TPRG1: variants seen among roughly 807,000 people sequenced by gnomAD.
The protein encoded by TPRG1 is tumor protein p63 regulated 1.
Under a neutral mutation model 29.3 loss-of-function variants are expected in TPRG1, and 29 were observed. The observed-to-expected ratio is 0.99, with a 90% CI of 0.74 to 1.35. The LOEUF (loss-of-function observed/expected upper bound fraction) is 1.35, where lower values mean the gene tolerates loss of function less well. Among genes scored for constraint, TPRG1 ranks in the 40% most tolerant of loss-of-function variants. The probability of loss-of-function intolerance (pLI) is 0.00; values close to 1 mark genes in which losing one functional copy is unlikely to be tolerated. For missense variants in TPRG1, 327 were observed against 335.0 expected (o/e 0.98, Z 0.19); for synonymous variants, 130 against 116.8 (o/e 1.11, Z -0.73).
chr3:189,248,154 C>T (rs1306547560), intron 4 of TPRG1, among the ~76,000 whole-genome samples: 1 of 151,802 alleles, frequency 6.6e-6, no homozygotes, highest in African/African-American at 2.4e-5. Context: ...AAGATAAACA[C>T]TACAACTTTC....
At chr3:189,141,174 G>C (rs966022713) in intron 3 of TPRG1, among the ~76,000 whole-genome samples, 4 of 152,208 alleles carry the variant, frequency 2.6e-5, no homozygotes, top group African/African-American at 9.7e-5. Context: ...TTTCAAGGAA[G>C]TAATTTCCAT....
At chr3:189,043,092 C>T (rs894397812) in intron 4 of TPRG1, among the ~76,000 whole-genome samples, 21 of 152,212 alleles carry the variant, frequency 1.4e-4, no homozygotes, top group Non-Finnish European at 4.4e-5. Flanking sequence ...TTTCTACTTT[C>T]ACCTTGTTTC....
intron 1 of TPRG1, among the ~76,000 whole-genome samples, chr3:189,188,240 T>C (rs1255756103): frequency 3.3e-5 from 5 of 152,240 alleles, no homozygotes; most frequent in Non-Finnish European, 2.9e-5. Context: ...TGAGTACCTT[T>C]AGGGATGTGT....
chr3:189,238,250 T>G (rs1739861709), intron 3 of TPRG1, among the ~76,000 whole-genome samples: 1 of 152,252 alleles, frequency 6.6e-6, no homozygotes. Flanking sequence ...GGACCTGTGT[T>G]CCAGTCTCCG....
intron 4 of TPRG1, among the ~76,000 whole-genome samples, chr3:189,270,914 G>A (rs1715017357): frequency 6.6e-6 from 1 of 151,844 alleles, no homozygotes; most frequent in Non-Finnish European, 1.5e-5. Flanking sequence ...TAATAATAAA[G>A]CCAGCAGCAA....
chr3:189,221,472 C>T (rs1736930757), intron 3 of TPRG1, among the ~76,000 whole-genome samples: 1 of 151,988 alleles, frequency 6.6e-6, no homozygotes, highest in South Asian at 2.1e-4. Context: ...TCATATTTGG[C>T]ATTCCCTGAA....
chr3:189,156,393 G>A (rs1024435293), intron 5 of TPRG1, among the ~76,000 whole-genome samples: 1 of 152,090 alleles, frequency 6.6e-6, no homozygotes. Flanking sequence ...AAGCCCCTGT[G>A]TTTGCAGTGA....
chr3:189,301,881 G>C (rs564054526), intron 4 of TPRG1, among the ~76,000 whole-genome samples: 1 of 152,296 alleles, frequency 6.6e-6, no homozygotes, highest in African/African-American at 2.4e-5. Flanking sequence ...GTTAGGATTA[G>C]ACTGCTCTGG....
intron 3 of TPRG1, among the ~76,000 whole-genome samples, chr3:189,137,627 T>A (rs371191933): frequency 6.6e-6 from 1 of 151,964 alleles, no homozygotes; most frequent in Admixed American, 6.6e-5. Flanking sequence ...AGAAGGATAA[T>A]CTTTCTTGGG....
chr3:189,221,971 A>ATTT (rs57226155), intron 3 of TPRG1, among the ~76,000 whole-genome samples: 2 of 149,754 alleles, frequency 1.3e-5, no homozygotes, highest in African/African-American at 2.4e-5. Flanking sequence ...GCCTTTTGTG[A>ATTT]TTTTTTTTTT....
At chr3:189,163,551 C>T (rs966928565) in intron 5 of TPRG1, among the ~76,000 whole-genome samples, 3 of 152,114 alleles carry the variant, frequency 2.0e-5, no homozygotes, top group African/African-American at 7.2e-5. Flanking sequence ...AGGCTTAAAA[C>T]CCTAACATTC....
intron 2 of TPRG1, among the ~76,000 whole-genome samples, chr3:189,001,311 T>C (rs900454142): frequency 2.4e-4 from 37 of 152,288 alleles, no homozygotes; most frequent in African/African-American, 7.5e-4. Context: ...GAAATTTTAC[T>C]CTTTGTCCTA....
Position 189,324,387 on chromosome 3 carries a change from A to G in TPRG1, c.*3567A>G, listed in dbSNP as rs1302726303. Reference sequence around the variant, plus strand: ...CCTAGCCCACTGCTCTTTCCAATATAATATCTGTATTCCATGGGAAAGACA... The same window carrying G: ...CCTAGCCCACTGCTCTTTCCAATATGATATCTGTATTCCATGGGAAAGACA... On this transcript the variant is annotated 3_prime_UTR_variant, in exon 6 of 6. Transcript: ENST00000345063. 6.6e-5 allele frequency: 10 copies of G among 152,172 alleles called. No homozygotes were observed. Among genetic ancestry groups the G allele is most frequent in the African/African-American group, 2.4e-4 (10 of 41,446 alleles). 9.4% of individuals were successfully genotyped at this position (152,172 alleles called of 1,614,324 possible).
intron 4 of TPRG1, among the ~76,000 whole-genome samples, chr3:189,282,763 C>T (rs1717385633): frequency 6.6e-6 from 1 of 152,162 alleles, no homozygotes; most frequent in East Asian, 1.9e-4. Flanking sequence ...ATCCACTAAG[C>T]AAATCACTGC....
At chr3:189,047,926 C>T (rs1038593426) in intron 4 of TPRG1, among the ~76,000 whole-genome samples, 2 of 152,164 alleles carry the variant, frequency 1.3e-5, no homozygotes, top group Admixed American at 6.5e-5. Flanking sequence ...AAGTCTGGAA[C>T]CCCTCAGTTA....
intron 4 of TPRG1, among the ~76,000 whole-genome samples, chr3:189,289,995 A>G (rs150491274): frequency 2.4e-3 from 368 of 152,318 alleles, no homozygotes; most frequent in African/African-American, 8.4e-3. Context: ...AAATCAACCA[A>G]TGTAAATGAA....
chr3:189,027,523 G>A (rs1484545185), intron 4 of TPRG1, among the ~76,000 whole-genome samples: 1 of 152,196 alleles, frequency 6.6e-6, no homozygotes, highest in African/African-American at 2.4e-5. Flanking sequence ...CACGCATGGT[G>A]TATGCAAGAC....
intron 4 of TPRG1, among the ~76,000 whole-genome samples, chr3:189,088,356 A>G (rs1178930623): frequency 6.6e-6 from 1 of 152,178 alleles, no homozygotes; most frequent in Non-Finnish European, 1.5e-5. Context: ...TTGATTTTGT[A>G]TCCTGAGACT....
chr3:189,299,041 G>A (rs1203628898), intron 4 of TPRG1, among the ~76,000 whole-genome samples: 1 of 145,804 alleles, frequency 6.9e-6, no homozygotes, highest in Non-Finnish European at 1.5e-5. Context: ...GGAAACAGGA[G>A]ATTTAGAAAA....
Sources: allele counts gnomAD v4.1 joint callset (sites outside exome capture counted in the v4.1 genomes callset), GRCh38; gene constraint gnomAD v4.1.1; transcripts MANE v1.5; gene names NCBI Gene and HGNC (gene_info 2026-07-23, HGNC 2026-07-21).